Variants in ITPR1 observed in about 807,000 individuals in gnomAD.
The protein encoded by ITPR1 is inositol 1,4,5-trisphosphate receptor type 1, also known as inositol 1,4,5-trisphosphate-gated calcium channel ITPR1.
Under a neutral mutation model 318.4 loss-of-function variants are expected in ITPR1, and 96 were observed. The observed-to-expected ratio is 0.30, with a 90% CI of 0.26 to 0.36. The LOEUF (loss-of-function observed/expected upper bound fraction) is 0.36, where lower values mean the gene tolerates loss of function less well. Ranked by LOEUF, ITPR1 falls within the 10% of genes least tolerant of loss-of-function variation. ITPR1 has a pLI of 1.00. For missense variants in ITPR1, 2,440 were observed against 3,460.2 expected, an observed-to-expected ratio of 0.71 and a Z score of 7.40; for synonymous variants, 1,312 against 1,289.9, an observed-to-expected ratio of 1.02 and a Z score of -0.37.
At chr3:4,699,768 G>C (rs765338994) in intron 34 of ITPR1, 45 bp from the exon 35 acceptor site, 29 of 1,594,834 alleles carry the variant, frequency 1.8e-5, no homozygotes, top group Non-Finnish European at 2.3e-5. Flanking sequence ...TTAATGTTTG[G>C]TGTAGGTTTT....
chr3:4,501,050 T>C (rs1026974599), intron 2 of ITPR1, among the ~76,000 whole-genome samples: 13 of 152,004 alleles, frequency 8.6e-5, no homozygotes, highest in Non-Finnish European at 1.8e-4. Flanking sequence ...TTTGTAGAGA[T>C]TGGGTCTCCC....
chr3:4,532,002 G>A (rs940914159), intron 4 of ITPR1, among the ~76,000 whole-genome samples: 2 of 152,186 alleles, frequency 1.3e-5, no homozygotes, highest in Non-Finnish European at 2.9e-5. Flanking sequence ...ACCTCACAGG[G>A]TTTTCATGAG....
At chr3:4,598,301 G>C (rs1356820067) in intron 4 of ITPR1, among the ~76,000 whole-genome samples, 1 of 152,200 alleles carries the variant, frequency 6.6e-6, no homozygotes, top group Non-Finnish European at 1.5e-5. Context: ...ACTTAGGGGA[G>C]ACCCTTGTTT....
At chr3:4,840,328 AAAT>A (rs2051251511) in intron 61 of ITPR1, among the ~76,000 whole-genome samples, 1 of 152,168 alleles carries the variant, frequency 6.6e-6, no homozygotes, top group Non-Finnish European at 1.5e-5. Context: ...TTGAATTAAA[AAAT>A]AAAAGCTCCA....
At chr3:4,719,700 C>G (rs2042010806) in intron 40 of ITPR1, among the ~76,000 whole-genome samples, 2 of 152,174 alleles carry the variant, frequency 1.3e-5, no homozygotes, top group South Asian at 4.1e-4. Context: ...CCTACTGAGG[C>G]CCTGTCAGTG....
chr3:4,505,248 A>G (rs2081317563), intron 2 of ITPR1, among the ~76,000 whole-genome samples: 1 of 152,110 alleles, frequency 6.6e-6, no homozygotes, highest in Non-Finnish European at 1.5e-5. Context: ...GCTGGAGTGC[A>G]GTGGCATGAT....
At chr3:4,532,921 G>A (rs982816359) in intron 4 of ITPR1, among the ~76,000 whole-genome samples, 2 of 152,314 alleles carry the variant, frequency 1.3e-5, no homozygotes, top group Admixed American at 6.5e-5. Flanking sequence ...AGTTTCCCCC[G>A]ATTCAAAGAG....
chr3:4,723,583 T>C (rs72999369), intron 40 of ITPR1, among the ~76,000 whole-genome samples: 2,814 of 152,010 alleles, frequency 0.019, 34 homozygotes, highest in Non-Finnish European at 0.028. Context: ...AATAGATATA[T>C]ACTACCTATT....
At chr3:4,577,619 C>T (rs1375900922) in intron 4 of ITPR1, among the ~76,000 whole-genome samples, 1 of 152,134 alleles carries the variant, frequency 6.6e-6, no homozygotes, top group Non-Finnish European at 1.5e-5. Flanking sequence ...CTTATAATAA[C>T]GAGGTGCATT....
At chr3:4,545,645 T>G (rs2084911605) in intron 4 of ITPR1, among the ~76,000 whole-genome samples, 1 of 147,802 alleles carries the variant, frequency 6.8e-6, no homozygotes, top group Non-Finnish European at 1.5e-5. Flanking sequence ...AAAAAAAGGC[T>G]TTGGAAGCAT....
chr3:4,681,286 C>A (rs558866293), intron 25 of ITPR1, 78 bp from the exon 26 acceptor site: 18 of 1,015,812 alleles, frequency 1.8e-5, no homozygotes, highest in Non-Finnish European at 2.8e-5. Context: ...CTTTACCCTG[C>A]AAAACTTATG....
At chr3:4,772,105 G>A (rs112361070) in intron 46 of ITPR1, among the ~76,000 whole-genome samples, 2,552 of 152,336 alleles carry the variant, frequency 0.017, 40 homozygotes, top group South Asian at 0.048. Flanking sequence ...ATTATGGTGT[G>A]TAGAAATCCA....
rs1056390884 is a variant in ITPR1 at position 4,725,579 on chromosome 3, G to C, written c.5170G>C (p.Glu1724Gln). Residue 1724 changes from glutamate (E) to glutamine (Q), a missense_variant and splice_region_variant, in exon 41 of 62, where the codon GAG becomes CAG. Physicochemically the swap from Glu to Gln is conservative, Grantham distance 29 (BLOSUM62 2). This residue lies in a region of ITPR1 where 166 missense variants were observed against 143.7 expected (regional missense o/e 1.16). Transcript: ENST00000649015. ...PPAPDSENAT[E>Q]ELEPSPPLRQ... ...AGCTCCGGATTCTGAGAACGCCACT[G>C]AGGTGTGTTGCCCGCCTATATTTGT... 6.3e-7 allele frequency: 1 copy of C among 1,598,782 alleles called. No individual in the cohort carries two copies. The highest frequency in any genetic ancestry group is 2.2e-5 in the East Asian group (1 of 44,878).
At position 4,754,059 on chromosome 3, in the gene ITPR1, T is replaced by C. The variant is rs11706000; in HGVS notation, c.5545-12471T>C. 1.1e-4 allele frequency among the ~76,000 whole-genome samples: 13 copies of C among 113,714 alleles called. 2 individuals carry two copies. The highest frequency in any genetic ancestry group is 3.5e-4 in the African/African-American group (11 of 31,292). 74.6% of individuals were successfully genotyped at this position (113,714 alleles called of 152,430 possible). ...ACAAACACAGAAAATGGGGGGGGGG[T>C]GGCAAGGATTATTCTTGGCATCTGT... On this transcript the variant is annotated intron_variant, in intron 44 of 61. Transcript: ENST00000649015.
intron 61 of ITPR1, among the ~76,000 whole-genome samples, chr3:4,845,327 C>T (rs1233010472): frequency 1.3e-5 from 2 of 152,152 alleles, no homozygotes; most frequent in Non-Finnish European, 2.9e-5. Flanking sequence ...CTAAGACTAA[C>T]TGGGTTAAGG....
At chr3:4,579,750 G>A (rs2089096272) in intron 4 of ITPR1, among the ~76,000 whole-genome samples, 1 of 152,096 alleles carries the variant, frequency 6.6e-6, no homozygotes, top group Non-Finnish European at 1.5e-5. Context: ...GGCATGATGG[G>A]TTCTTTCTGG....
chr3:4,495,768 A>G (rs149910569), intron 2 of ITPR1, among the ~76,000 whole-genome samples: 1 of 152,328 alleles, frequency 6.6e-6, no homozygotes, highest in East Asian at 1.9e-4. Flanking sequence ...TAGCTAGTAC[A>G]AAGTAGGAGC....
At chr3:4,628,633 G>A (rs146365696) in intron 5 of ITPR1, among the ~76,000 whole-genome samples, 72 of 152,198 alleles carry the variant, frequency 4.7e-4, no homozygotes, top group Middle Eastern at 3.4e-3. Context: ...TTTTCTCCCC[G>A]TCATGTAACA....
chr3:4,717,871 C>T lies in ITPR1; in HGVS notation c.5136+472C>T, dbSNP rs139374969. The stretch of plus-strand genomic sequence containing the variant: ...TTGAAAAGTATTGAGTGTGAGAGTT[C>T]ATATAAAACTTTTTTTAAGCGCAGT... On this transcript the variant is annotated intron_variant, in intron 40 of 61. Coordinates refer to ENST00000649015, the MANE Select transcript of ITPR1 (RefSeq NM_001378452.1). Among the ~76,000 whole-genome samples the T allele has an allele frequency of 7.5e-3, 1,140 of 152,268 alleles. 11 individuals carry two copies. Among genetic ancestry groups the T allele is most frequent in the African/African-American group, 0.025 (1,045 of 41,542 alleles).
Sources: allele counts gnomAD v4.1 joint callset (sites outside exome capture counted in the v4.1 genomes callset), GRCh38; gene constraint gnomAD v4.1.1; regional missense constraint gnomAD v4.1.1; transcripts MANE v1.5; gene names NCBI Gene and HGNC (gene_info 2026-07-23, HGNC 2026-07-21).